The following CLNS1A variants were observed in gnomAD, a reference collection of about 807,000 sequenced individuals.
CLNS1A encodes the protein chloride nucleotide-sensitive channel 1A.
Under a neutral mutation model 29.4 loss-of-function variants are expected in CLNS1A, and 16 were observed. The observed-to-expected ratio is 0.54, with a 90% CI of 0.37 to 0.83. The LOEUF (loss-of-function observed/expected upper bound fraction) is 0.83, where lower values mean the gene tolerates loss of function less well. Among genes scored for constraint, CLNS1A ranks in the 40% least tolerant of loss-of-function variants. The pLI is 0.00. For missense variants in CLNS1A, 235 were observed against 287.4 expected, an observed-to-expected ratio of 0.82 and a Z score of 1.32; for synonymous variants, 96 against 104.8, an observed-to-expected ratio of 0.92 and a Z score of 0.51.
intron 6 of CLNS1A, among the ~76,000 whole-genome samples, chr11:77,617,434 C>T (rs1209902686): frequency 6.9e-6 from 1 of 145,614 alleles, no homozygotes; most frequent in Non-Finnish European, 1.5e-5. Context: ...CCCAGCTATT[C>T]AGGAGGCTGA....
intron 1 of CLNS1A, among the ~76,000 whole-genome samples, chr11:77,636,064 C>A (rs565052981): frequency 6.6e-6 from 1 of 151,874 alleles, no homozygotes. Flanking sequence ...GATACACATT[C>A]TTTTTTTATT....
intron 3 of CLNS1A, chr11:77,625,384 G>C (rs951825455): frequency 2.2e-6 from 1 of 447,624 alleles, no homozygotes; most frequent in Non-Finnish European, 3.9e-6. Context: ...CAGCCATCCT[G>C]AGATCTTCCA....
chr11:77,619,564 G>T, intron 6 of CLNS1A, 42 bp downstream of exon 6: 2 of 1,226,940 alleles, frequency 1.6e-6, no homozygotes, highest in Non-Finnish European at 2.4e-6. Flanking sequence ...CATTTCATAT[G>T]ATTTTCATGA....
intron 1 of CLNS1A, among the ~76,000 whole-genome samples, chr11:77,633,530 T>C (rs1590804364): frequency 6.6e-6 from 1 of 152,160 alleles, no homozygotes; most frequent in South Asian, 2.1e-4. Context: ...AGAGTAAACA[T>C]GTAGAGAACA....
chr11:77,620,501 C>A (rs187416593), intron 5 of CLNS1A, among the ~76,000 whole-genome samples: 1 of 152,266 alleles, frequency 6.6e-6, no homozygotes, highest in Admixed American at 6.5e-5. Flanking sequence ...ACAAGCCCCA[C>A]GGAAAGAGTT....
At chr11:77,632,419 GC>G (rs1387494567) in intron 1 of CLNS1A, among the ~76,000 whole-genome samples, 2 of 152,144 alleles carry the variant, frequency 1.3e-5, no homozygotes, top group African/African-American at 4.8e-5. Context: ...TAGAATGAGT[GC>G]CTATCAAATT....
intron 5 of CLNS1A, among the ~76,000 whole-genome samples, chr11:77,621,343 C>G (rs1354799939): frequency 6.6e-6 from 1 of 152,066 alleles, no homozygotes; most frequent in Non-Finnish European, 1.5e-5. Flanking sequence ...TGTATATACA[C>G]ACACAAAAGG....
At chr11:77,619,794 T>C (rs1958939115) in intron 5 of CLNS1A, 99 bp from the exon 6 acceptor site, 3 of 822,814 alleles carry the variant, frequency 3.6e-6, no homozygotes, top group Non-Finnish European at 6.3e-6. Context: ...TGCCCTCTGC[T>C]GGTAAGAATT....
chr11:77,627,164 T>A (rs1391556758), intron 2 of CLNS1A, among the ~76,000 whole-genome samples: 3 of 151,182 alleles, frequency 2.0e-5, no homozygotes, highest in African/African-American at 7.3e-5. Flanking sequence ...CCAAGCGAGG[T>A]GGCTAACGCC....
chr11:77,617,367 CAAAAAAAAAA>C (rs71043593), intron 6 of CLNS1A, among the ~76,000 whole-genome samples: 3,319 of 65,988 alleles, frequency 0.05, 199 homozygotes, highest in Admixed American at 0.26. Context: ...AACTCCATCT[CAAAAAAAAAA>C]AAAAAAAAAA....
At chr11:77,626,979 G>C (rs1959026731) in intron 2 of CLNS1A, among the ~76,000 whole-genome samples, 1 of 151,078 alleles carries the variant, frequency 6.6e-6, no homozygotes. Flanking sequence ...ACAGGTGTGA[G>C]CCACCGCGCC....
chr11:77,637,688 C>A lies in CLNS1A; in HGVS notation c.27G>T (p.Pro9=). 14 of 1,561,068 alleles carry A rather than the reference C, an allele frequency of 9.0e-6. No homozygotes were observed. Among genetic ancestry groups the A allele is most frequent in the South Asian group, 1.2e-5 (1 of 84,740 alleles). MSFLKSFP[P]PGPAEGLLRQ... Reference sequence around the variant, plus strand: ...GCAGGAGCCCCTCCGCTGGCCCAGGCGGCGGGAAACTTTTGAGGAAGCTCA... The same window carrying A: ...GCAGGAGCCCCTCCGCTGGCCCAGGAGGCGGGAAACTTTTGAGGAAGCTCA... The change falls in exon 1 of 7, where the codon CCG becomes CCT. Residue 9 remains proline, a synonymous_variant. Coordinates refer to ENST00000525428, the MANE Select transcript of CLNS1A (RefSeq NM_001293.3).
chr11:77,630,274 T>C (rs1959061465), intron 1 of CLNS1A, among the ~76,000 whole-genome samples: 1 of 152,218 alleles, frequency 6.6e-6, no homozygotes, highest in Admixed American at 6.5e-5. Flanking sequence ...CATAAAGATC[T>C]CTTCCTTTTC....
chr11:77,618,715 G>T (rs920223620), intron 6 of CLNS1A: 2 of 152,124 alleles, frequency 1.3e-5, no homozygotes, highest in Non-Finnish European at 2.9e-5. Flanking sequence ...AGGGGTAAAG[G>T]AATTAAAACT....
intron 1 of CLNS1A, among the ~76,000 whole-genome samples, chr11:77,635,431 A>C (rs1959115175): frequency 6.6e-6 from 1 of 150,834 alleles, no homozygotes; most frequent in Non-Finnish European, 1.5e-5. Context: ...GGCTTACTAC[A>C]ACCTCCGCCT....
chr11:77,635,614 G>T (rs147602400), intron 1 of CLNS1A, among the ~76,000 whole-genome samples: 2 of 152,176 alleles, frequency 1.3e-5, no homozygotes, highest in Non-Finnish European at 2.9e-5. Context: ...GCCTCCCAAA[G>T]TGCTGGTATT....
At chr11:77,624,826 T>A (rs1247875616) in intron 4 of CLNS1A, 137 bp downstream of exon 4, 3 of 407,184 alleles carry the variant, frequency 7.4e-6, no homozygotes, top group East Asian at 5.4e-5. Context: ...ATCTCAAAAA[T>A]AATAATAATA....
rs776607857 is a variant in CLNS1A at position 77,615,647 on chromosome 11, T to C, written c.*1071A>G. ...AACAGACTCAGAAATTCTGAGAGTCTGGTTAGAAAAAGGAAAATTCGTTTT... is the reference window on the plus strand; with the variant it reads ...AACAGACTCAGAAATTCTGAGAGTCCGGTTAGAAAAAGGAAAATTCGTTTT... On this transcript the variant is annotated 3_prime_UTR_variant, in exon 7 of 7. Coordinates refer to ENST00000525428, the MANE Select transcript of CLNS1A (RefSeq NM_001293.3). 7.9e-5 allele frequency: 12 copies of C among 152,198 alleles called. No individual in the cohort carries two copies. Among genetic ancestry groups the C allele is most frequent in the Non-Finnish European group, 1.5e-4 (10 of 68,036 alleles). 9.4% of individuals were successfully genotyped at this position (152,198 alleles called of 1,614,324 possible).
At chr11:77,624,888 C>A in intron 4 of CLNS1A, 75 bp downstream of exon 4, 4 of 880,082 alleles carry the variant, frequency 4.5e-6, no homozygotes, top group Non-Finnish European at 7.5e-6. Context: ...TAATCCTCTA[C>A]CCTTAATACA....
Sources: gnomAD v4.1 joint callset for allele counts (sites outside exome capture counted in the v4.1 genomes callset) on GRCh38, gnomAD v4.1.1 for gene constraint, MANE v1.5 for transcripts, NCBI Gene and HGNC (gene_info 2026-07-23, HGNC 2026-07-21) for gene names.